The following NHSL1 variants were observed in gnomAD, a reference collection of about 807,000 sequenced individuals.
NHSL1 encodes the protein NHS like 1, also known as NHS-like protein 1.
Under a neutral mutation model 95.0 loss-of-function variants are expected in NHSL1, and 48 were observed. The ratio of observed to expected loss-of-function variants is 0.51; its 90% CI spans 0.40 to 0.64. The LOEUF (loss-of-function observed/expected upper bound fraction) is 0.64. NHSL1 is among the 30% of genes least tolerant of loss of function. The pLI is 0.00. For missense variants in NHSL1, 1,971 were observed against 2,077.7 expected (o/e 0.95, Z 1.00); for synonymous variants, 783 against 833.9 (o/e 0.94, Z 1.05).
intron 1 of NHSL1, among the ~76,000 whole-genome samples, chr6:138,630,950 G>T (rs1784811193): frequency 6.6e-6 from 1 of 152,122 alleles, no homozygotes; most frequent in South Asian, 2.1e-4. Context: ...CTTCATATCA[G>T]CAGAAAGAAA....
rs563509738 is a variant in NHSL1 at position 138,536,602 on chromosome 6, CTTTTTTT to C, written c.16+9014_16+9020del. Among the ~76,000 whole-genome samples the C allele has an allele frequency of 7.9e-3, 634 of 79,992 alleles. 10 individuals carry two copies. The highest frequency in any genetic ancestry group is 0.041 in the Middle Eastern group (7 of 170). The allele number at this position is 79,992 out of a possible 152,430, so 52.5% of individuals were successfully genotyped here. A position where few individuals can be genotyped will look rare whatever the true frequency, so the allele number is the denominator to read the frequency against. On this transcript the variant is annotated intron_variant, in intron 1 of 4. Coordinates refer to the NHSL1 transcript ENST00000342260. ...GGTTTTGGAGAGGGACATATGTCAT[CTTTTTTT>C]TTTTTTTTTTTTTTTTTTTTTTCAC...
rs1033360041 is a variant in NHSL1, at chr6:138,432,469, T to C, written c.1876A>G (p.Ser626Gly). Residue 626 changes from serine to glycine, a missense_variant, in exon 6 of 8, where the codon AGT becomes GGT. Physicochemically the swap from Ser to Gly is moderately conservative, Grantham distance 56. Coordinates refer to ENST00000343505, the MANE Select transcript of NHSL1 (RefSeq NM_001144060.2). This position sits in a 1 kb window ranked among gnomAD's most constrained non-coding sequence, Gnocchi z 4.4. Reference sequence around the variant, plus strand: ...TGCCTGGGGTTCCCAAAGCCATCACTGCTATTGCACAGATTCCCAGATCCA... The same window carrying C: ...TGCCTGGGGTTCCCAAAGCCATCACCGCTATTGCACAGATTCCCAGATCCA... ...GHGSGNLCNS[S>G]DGFGNPRHSV... is the part of the protein sequence containing the mutation. 28 of 1,552,226 alleles carry C rather than the reference T, an allele frequency of 1.8e-5. No homozygotes were observed. Among genetic ancestry groups the C allele is most frequent in the Admixed American group, 1.6e-4 (8 of 50,994 alleles).
At position 138,675,046 on chromosome 6, in the gene NHSL1, T is replaced by TA. The variant is rs11354812; in HGVS notation, c.96+17429dup. Among the ~76,000 whole-genome samples the TA allele has an allele frequency of 3.5e-3, 496 of 141,220 alleles. 3 individuals are homozygous for TA. Among genetic ancestry groups the TA allele is most frequent in the South Asian group, 4.9e-3 (22 of 4,462 alleles). The allele number at this position is 141,220 out of a possible 152,430, so 92.6% of individuals were successfully genotyped here. ...CCTCCAACCTAGGCCACCAGTCTCCTAAAAAAAAAAAAAAATCCCCCAGGA... is the reference window on the plus strand; with the variant it reads ...CCTCCAACCTAGGCCACCAGTCTCCTAAAAAAAAAAAAAAAATCCCCCAGGA... On this transcript the variant is annotated intron_variant, in intron 1 of 3. Coordinates refer to the NHSL1 transcript ENST00000491526.
chr6:138,569,272 A>T lies in NHSL1; in HGVS notation c.202+2438T>A, dbSNP rs201147577. Among the ~76,000 whole-genome samples, 256 of 138,842 alleles carry T rather than the reference A, an allele frequency of 1.8e-3. 3 individuals are homozygous for T. In the South Asian group the frequency reaches 0.042, roughly 23 times the overall value. The allele number at this position is 138,842 out of a possible 152,430, so 91.1% of individuals were successfully genotyped here. On this transcript the variant is annotated intron_variant, in intron 1 of 6. Coordinates refer to the NHSL1 transcript ENST00000427025. ...GTGTGTGTGTGTGTGTGTGTGTGTG[A>T]GAGAGAGAGAGAGAAAGAGAGCGAG...
intron 1 of NHSL1, among the ~76,000 whole-genome samples, chr6:138,605,826 G>T (rs1784426118): frequency 6.6e-6 from 1 of 152,176 alleles, no homozygotes; most frequent in South Asian, 2.1e-4. Flanking sequence ...AGAGGAAAAT[G>T]GCCAGGTCTC....
intron 1 of NHSL1, chr6:138,691,892 G>A (rs1210711870): frequency 2.2e-6 from 1 of 456,500 alleles, no homozygotes; most frequent in Admixed American, 2.3e-5. Context: ...GGTCAGTCTG[G>A]GAGAAGAAAG....
intron 7 of NHSL1, among the ~76,000 whole-genome samples, chr6:138,425,856 G>A (rs369081237): frequency 4.1e-4 from 52 of 127,586 alleles, no homozygotes; most frequent in Middle Eastern, 8.6e-3. Context: ...AAACAAAGGC[G>A]AACCCTCCAT....
At chr6:138,652,257 C>T (rs1182573926) in intron 1 of NHSL1, among the ~76,000 whole-genome samples, 1 of 151,972 alleles carries the variant, frequency 6.6e-6, no homozygotes, top group Non-Finnish European at 1.5e-5. Flanking sequence ...GCCTGACCAA[C>T]ATGGAGAAAC....
chr6:138,461,270 A>T (rs1015636182), intron 3 of NHSL1, among the ~76,000 whole-genome samples: 1 of 152,238 alleles, frequency 6.6e-6, no homozygotes, highest in African/African-American at 2.4e-5. Context: ...GTCTGGGCTA[A>T]AGATATACAT....
In NHSL1 at chr6:138,431,304, A is replaced by T; in HGVS notation, c.3041T>A (p.Leu1014His). ...SPVSLPLPPPLLPSSEPPPAP... is the reference protein window; with the variant it reads ...SPVSLPLPPPHLPSSEPPPAP... ...AGGTGGGGGTTCCGAGGAAGGTAAG[A>T]GAGGTGGGGGCAATGGCAAGGACAC... is the stretch of plus-strand genomic sequence containing the variant. Residue 1014 changes from leucine (L) to histidine (H), a missense_variant, in exon 6 of 8, where the codon CTC (leucine) becomes CAC (histidine). Leu to His is a moderately conservative substitution (Grantham distance 99). Transcript: ENST00000343505. The surrounding 1 kb of genome is among the most constrained non-coding windows in gnomAD (Gnocchi z 4.0). 6.6e-7 allele frequency: 1 copy of T among 1,506,870 alleles called. No homozygotes were observed. The highest frequency in any genetic ancestry group is 8.9e-7 in the Non-Finnish European group (1 of 1,124,038). 93.3% of individuals were successfully genotyped at this position (1,506,870 alleles called of 1,614,324 possible).
rs147156376 is a variant in NHSL1 at position 138,538,243 on chromosome 6, C to A, written c.16+7380G>T. 1.7e-4 allele frequency among the ~76,000 whole-genome samples: 26 copies of A among 152,272 alleles called. No individual in the cohort carries two copies. The East Asian group carries it at 5.0e-3, about 29-fold the overall frequency. On this transcript the variant is annotated intron_variant, in intron 1 of 4. Transcript: ENST00000342260. ...GTCTAGATAAAGCAAAAGTGCAAAT[C>A]TGTAGGAGATGGCTAAGGAAGGAGA...
intron 1 of NHSL1, among the ~76,000 whole-genome samples, chr6:138,635,862 C>T (rs781671744): frequency 6.6e-6 from 1 of 151,498 alleles, no homozygotes; most frequent in South Asian, 2.1e-4. Flanking sequence ...GCCAGTAATC[C>T]CAGCACTTTG....
intron 5 of NHSL1, among the ~76,000 whole-genome samples, chr6:138,438,890 A>G (rs1776355752): frequency 6.6e-6 from 1 of 152,126 alleles, no homozygotes; most frequent in African/African-American, 2.4e-5. Flanking sequence ...TTATATATAT[A>G]TATCAACAAA....
intron 1 of NHSL1, among the ~76,000 whole-genome samples, chr6:138,580,280 C>A (rs933392444): frequency 6.6e-6 from 1 of 152,118 alleles, no homozygotes; most frequent in Admixed American, 6.5e-5. Context: ...ATAGGGCCCT[C>A]CCCTAGAGGA....
intron 1 of NHSL1, among the ~76,000 whole-genome samples, chr6:138,619,544 C>A (rs1007777264): frequency 1.3e-5 from 2 of 152,156 alleles, no homozygotes; most frequent in African/African-American, 4.8e-5. Flanking sequence ...AATTAAAGAA[C>A]CTGCTAAAGA....
rs1343830194 is a variant in NHSL1, at chr6:138,424,625, T to G, written c.4277A>C (p.Lys1426Thr). The G allele has an allele frequency of 4.5e-6, 7 of 1,551,336 alleles. No individual in the cohort carries two copies. Among genetic ancestry groups the G allele is most frequent in the Non-Finnish European group, 6.1e-6 (7 of 1,146,890 alleles). Residue 1426 changes from lysine to threonine, a missense_variant, in exon 8 of 8, where the codon AAG becomes ACG. By Grantham distance (78) the Lys-to-Thr change is moderately conservative (BLOSUM62 -1). Transcript: ENST00000343505. The surrounding 1 kb of genome is among the most constrained non-coding windows in gnomAD (Gnocchi z 5.9). ...SDNFKALLLK[K>T]GSRSDTSARM... Reference sequence around the variant, plus strand: ...GGCGCTGGTGTCTGAACGACTGCCCTTTTTCAGCAGCAGAGCTTTGAAGTT... The same window carrying G: ...GGCGCTGGTGTCTGAACGACTGCCCGTTTTCAGCAGCAGAGCTTTGAAGTT...
chr6:138,668,272 C>T (rs933528777), intron 1 of NHSL1, among the ~76,000 whole-genome samples: 7 of 152,068 alleles, frequency 4.6e-5, no homozygotes, highest in African/African-American at 1.4e-4. Flanking sequence ...CAAAATACCC[C>T]GTCTCTACTA....
chr6:138,574,992 C>T (rs1056948834), upstream of NHSL1, among the ~76,000 whole-genome samples: 2 of 152,108 alleles, frequency 1.3e-5, no homozygotes, highest in Non-Finnish European at 2.9e-5. Context: ...CTCTGCCTCT[C>T]GGGTTCAAGT....
intron 1 of NHSL1, among the ~76,000 whole-genome samples, chr6:138,676,748 G>A (rs1172954572): frequency 1.3e-5 from 2 of 152,070 alleles, no homozygotes; most frequent in African/African-American, 2.4e-5. Flanking sequence ...TCCACCTCCC[G>A]GGTTCAAGTG....
Sources: allele counts gnomAD v4.1 joint callset (sites outside exome capture counted in the v4.1 genomes callset), GRCh38; gene constraint gnomAD v4.1.1; non-coding constraint Gnocchi (gnomAD v3.1); transcripts MANE v1.5; gene names NCBI Gene and HGNC (gene_info 2026-07-23, HGNC 2026-07-21).